ELMO1: variants seen among roughly 807,000 people sequenced by gnomAD.
ELMO1 encodes the protein engulfment and cell motility 1.
Under a neutral mutation model 98.9 loss-of-function variants are expected in ELMO1, and 26 were observed. That is an observed-to-expected ratio of 0.26 (90% confidence interval 0.19 to 0.36). The LOEUF is 0.36. ELMO1 is among the 10% of genes least tolerant of loss of function. The pLI is 1.00. For missense variants in ELMO1, 627 were observed against 935.2 expected (o/e 0.67, Z 4.30); for synonymous variants, 346 against 346.0 (o/e 1.00, Z 0.00).
In ELMO1 at chr7:36,855,554, G is replaced by A. The variant is rs1802131591; in HGVS notation, c.2181C>T (p.Asn727=). 1 of 1,614,046 alleles carries A rather than the reference G, an allele frequency of 6.2e-7. No individual in the cohort carries two copies. The highest frequency in any genetic ancestry group is 8.5e-7 in the Non-Finnish European group (1 of 1,179,982). ...PSNYDFVYDC[N] is the part of the protein sequence containing the mutation. ...GGCATGTCTGGGCCCGGCCACTTCA[G>A]TTACAGTCATAGACGAAGTCATAGT... is the stretch of plus-strand genomic sequence containing the variant. The change falls in exon 22 of 22, where the codon AAC becomes AAT. Residue 727 remains asparagine (N), a synonymous_variant. Coordinates refer to ENST00000310758, the MANE Select transcript of ELMO1 (RefSeq NM_014800.11). The surrounding 1 kb of genome is among the most constrained non-coding windows in gnomAD (Gnocchi z 4.2).
At chr7:37,320,509 C>T (rs895714423) in intron 2 of ELMO1, among the ~76,000 whole-genome samples, 8 of 152,156 alleles carry the variant, frequency 5.3e-5, no homozygotes, top group Admixed American at 5.2e-4. Context: ...TAACAAGGGA[C>T]TCTTACTTAC....
chr7:37,368,471 T>A (rs751925654), intron 1 of ELMO1, among the ~76,000 whole-genome samples: 7 of 152,172 alleles, frequency 4.6e-5, no homozygotes, highest in Non-Finnish European at 8.8e-5. Flanking sequence ...GCCTCAGAAA[T>A]AAGCCTCAGA....
At chr7:37,165,638 T>C (rs539053250) in intron 13 of ELMO1, among the ~76,000 whole-genome samples, 1 of 152,200 alleles carries the variant, frequency 6.6e-6, no homozygotes, top group African/African-American at 2.4e-5. Context: ...CTGGATTACA[T>C]TTATTGATTT....
chr7:37,176,674 A>T (rs917446838), intron 13 of ELMO1, among the ~76,000 whole-genome samples: 12 of 152,236 alleles, frequency 7.9e-5, no homozygotes, highest in Non-Finnish European at 1.5e-4. Flanking sequence ...TCCTATTACA[A>T]TTATTTGACC....
intron 4 of ELMO1, among the ~76,000 whole-genome samples, chr7:37,273,523 T>C (rs904514196): frequency 1.4e-4 from 21 of 152,244 alleles, no homozygotes; most frequent in African/African-American, 4.6e-4. Context: ...CCTCTTTTCT[T>C]TATAAATTAC....
chr7:37,430,353 C>T (rs1286645432), intron 1 of ELMO1, among the ~76,000 whole-genome samples: 7 of 152,196 alleles, frequency 4.6e-5, no homozygotes, highest in Admixed American at 6.5e-5. Context: ...CCACATGTAT[C>T]GTCATTTCCT....
At chr7:36,890,148 G>C (rs1805428636) in intron 17 of ELMO1, among the ~76,000 whole-genome samples, 1 of 152,158 alleles carries the variant, frequency 6.6e-6, no homozygotes, top group African/African-American at 2.4e-5. Flanking sequence ...GGGTTTACTA[G>C]CTTTGCTTTG....
In ELMO1 at chr7:37,122,042, A is replaced by C. The variant is rs147540627; in HGVS notation, c.1191+11088T>G. 6.9e-3 allele frequency among the ~76,000 whole-genome samples: 1,049 copies of C among 152,322 alleles called. 11 individuals carry two copies. Among genetic ancestry groups the C allele is most frequent in the African/African-American group, 0.024 (994 of 41,562 alleles). On this transcript the variant is annotated intron_variant, in intron 14 of 21. Transcript: ENST00000310758. ...TTCATATCCAGCCAAACTAAGCTTC[A>C]TAAGTGAAGAAGAAATAAAATCCTT... is the stretch of plus-strand genomic sequence containing the variant.
At chr7:36,949,097 C>T (rs1261558851) in intron 16 of ELMO1, among the ~76,000 whole-genome samples, 1 of 152,102 alleles carries the variant, frequency 6.6e-6, no homozygotes, top group Admixed American at 6.5e-5. Flanking sequence ...CTCAGGTGAT[C>T]CACCCGCCTT....
intron 2 of ELMO1, among the ~76,000 whole-genome samples, chr7:37,328,407 A>AAAAAAAG (rs1562618201): frequency 1.4e-5 from 2 of 147,380 alleles, no homozygotes; most frequent in African/African-American, 2.5e-5. Flanking sequence ...AAAAAAAAAA[A>AAAAAAAG]AGATGCTGTG....
chr7:36,939,590 GA>G (rs1786845744), intron 16 of ELMO1, among the ~76,000 whole-genome samples: 1 of 152,246 alleles, frequency 6.6e-6, no homozygotes, highest in African/African-American at 2.4e-5. Flanking sequence ...TATTCTCAGA[GA>G]TGAAGTGGTG....
chr7:37,081,286 T>A (rs1797853517), intron 15 of ELMO1, among the ~76,000 whole-genome samples: 1 of 152,262 alleles, frequency 6.6e-6, no homozygotes, highest in Non-Finnish European at 1.5e-5. Flanking sequence ...AATGGAATAC[T>A]ATGCAATTAT....
At chr7:36,914,376 T>A (rs1367388757) in intron 16 of ELMO1, among the ~76,000 whole-genome samples, 1 of 152,348 alleles carries the variant, frequency 6.6e-6, no homozygotes, top group South Asian at 2.1e-4. Flanking sequence ...TATTAGAAAG[T>A]TTAAGGCTTT....
At chr7:37,343,781 C>G (rs13241784) in intron 1 of ELMO1, among the ~76,000 whole-genome samples, 2 of 152,000 alleles carry the variant, frequency 1.3e-5, no homozygotes, top group Non-Finnish European at 2.9e-5. Flanking sequence ...AGCCCCATTT[C>G]TTTTTAAAAT....
intron 15 of ELMO1, among the ~76,000 whole-genome samples, chr7:37,076,168 T>C (rs1304099817): frequency 6.6e-6 from 1 of 152,222 alleles, no homozygotes; most frequent in Non-Finnish European, 1.5e-5. Flanking sequence ...GTCATTTCGT[T>C]ACCCCCTGAT....
chr7:37,398,955 C>T (rs913997655), intron 1 of ELMO1, among the ~76,000 whole-genome samples: 12 of 152,300 alleles, frequency 7.9e-5, no homozygotes, highest in Non-Finnish European at 1.3e-4. Flanking sequence ...CCCATATGTA[C>T]TTTTATGTAC....
Position 36,857,060 on chromosome 7 carries a change from T to A in ELMO1, c.1984-1309A>T, listed in dbSNP as rs539202136. ...TGATGGAAATCTTCCGTGATGCACATCAGCGGTCCTCCTTTTTAAGCTGAG... is the reference window on the plus strand; with the variant it reads ...TGATGGAAATCTTCCGTGATGCACAACAGCGGTCCTCCTTTTTAAGCTGAG... On this transcript the variant is annotated intron_variant, in intron 21 of 21. Coordinates refer to ENST00000310758, the MANE Select transcript of ELMO1 (RefSeq NM_014800.11). Among the ~76,000 whole-genome samples the A allele has an allele frequency of 2.0e-5, 3 of 152,166 alleles. No homozygotes were observed. In the South Asian group the frequency reaches 6.2e-4, roughly 31 times the overall value.
At chr7:37,445,768 C>T (rs2131600257) in intron 1 of ELMO1, among the ~76,000 whole-genome samples, 1 of 152,322 alleles carries the variant, frequency 6.6e-6, no homozygotes, top group Non-Finnish European at 1.5e-5. Context: ...CACAGCCTCC[C>T]TTACAGCCTC....
In ELMO1 at chr7:36,855,428, G is replaced by A. The variant is rs892866005; in HGVS notation, c.*123C>T. 4.5e-5 allele frequency: 57 copies of A among 1,253,792 alleles called. No individual in the cohort carries two copies. Among genetic ancestry groups the A allele is most frequent in the Non-Finnish European group, 6.4e-5 (56 of 876,288 alleles). The allele number at this position is 1,253,792 out of a possible 1,614,324, so 77.7% of individuals were successfully genotyped here. A position where few individuals can be genotyped will look rare whatever the true frequency, so the allele number is the denominator to read the frequency against. ...CCAGGGCTAGAGGTGATGCTGAAGG[G>A]AATGTGGACCCACAGCTTCCCTTTA... is the stretch of plus-strand genomic sequence containing the variant. On this transcript the variant is annotated 3_prime_UTR_variant, in exon 22 of 22. Coordinates refer to ENST00000310758, the MANE Select transcript of ELMO1 (RefSeq NM_014800.11). The surrounding 1 kb of genome is among the most constrained non-coding windows in gnomAD (Gnocchi z 4.2).
Sources: allele counts gnomAD v4.1 joint callset (sites outside exome capture counted in the v4.1 genomes callset), GRCh38; gene constraint gnomAD v4.1.1; non-coding constraint Gnocchi (gnomAD v3.1); transcripts MANE v1.5; gene names NCBI Gene and HGNC (gene_info 2026-07-23, HGNC 2026-07-21).